Variants in MAP4K5 observed in about 807,000 individuals in gnomAD.
MAP4K5 encodes the protein MAPK/ERK kinase kinase kinase 5.
MAP4K5 carries 82 observed loss-of-function variants against 135.6 expected under a neutral mutation model. That is an observed-to-expected ratio of 0.60 (90% CI 0.51 to 0.73). The LOEUF is 0.73. Ranked by LOEUF, MAP4K5 falls within the 30% of genes least tolerant of loss-of-function variation. The pLI, the probability that MAP4K5 is intolerant of heterozygous loss-of-function variation, is 0.00. For missense variants in MAP4K5, 907 were observed against 1,010.9 expected, an observed-to-expected ratio of 0.90 and a Z score of 1.39; for synonymous variants, 347 against 335.0, an observed-to-expected ratio of 1.04 and a Z score of -0.39.
chr14:50,439,375 G>A (rs899535036), intron 23 of MAP4K5, among the ~76,000 whole-genome samples: 6 of 143,916 alleles, frequency 4.2e-5, no homozygotes, highest in African/African-American at 1.0e-4. Flanking sequence ...CTACCCACCC[G>A]TTCACCCCTA....
intron 11 of MAP4K5, among the ~76,000 whole-genome samples, chr14:50,464,879 C>T (rs1306992538): frequency 1.3e-5 from 2 of 152,158 alleles, no homozygotes; most frequent in African/African-American, 4.8e-5. Context: ...AGTATCGGGA[C>T]TGGCAAAGGT....
At chr14:50,456,830 A>G in intron 13 of MAP4K5, 2 of 402,366 alleles carry the variant, frequency 5.0e-6, no homozygotes, top group Non-Finnish European at 8.8e-6. Flanking sequence ...GTCCTCAAAG[A>G]GCTTACAGTC....
At chr14:50,480,231 G>T (rs931803675) in intron 6 of MAP4K5, among the ~76,000 whole-genome samples, 9 of 151,858 alleles carry the variant, frequency 5.9e-5, no homozygotes, top group Non-Finnish European at 1.0e-4. Context: ...GGTACAGGCG[G>T]CAATGTGAAA....
intron 2 of MAP4K5, among the ~76,000 whole-genome samples, chr14:50,542,164 C>A (rs1052258135): frequency 6.7e-6 from 1 of 150,318 alleles, no homozygotes; most frequent in Non-Finnish European, 1.5e-5. Context: ...AACTATGTGA[C>A]ATTAACTGCT....
At chr14:50,449,560 G>A (rs956678100) in intron 14 of MAP4K5, 14 of 151,942 alleles carry the variant, frequency 9.2e-5, no homozygotes, top group African/African-American at 1.7e-4. Context: ...TTTAAAAAGC[G>A]CTTTCAAATA....
intron 2 of MAP4K5, among the ~76,000 whole-genome samples, chr14:50,505,700 T>C (rs1464072577): frequency 6.6e-6 from 1 of 152,182 alleles, no homozygotes; most frequent in Non-Finnish European, 1.5e-5. Context: ...TCTAAAACAC[T>C]GTGCGAATTT....
intron 3 of MAP4K5, among the ~76,000 whole-genome samples, 161 bp downstream of exon 3, chr14:50,504,639 T>C (rs1272161658): frequency 6.6e-6 from 1 of 152,130 alleles, no homozygotes; most frequent in Non-Finnish European, 1.5e-5. Context: ...AACAAAACTG[T>C]CACATCAAAC....
intron 21 of MAP4K5, among the ~76,000 whole-genome samples, chr14:50,442,263 T>A (rs1450503172): frequency 6.6e-6 from 1 of 152,098 alleles, no homozygotes; most frequent in Non-Finnish European, 1.5e-5. Flanking sequence ...TTCTGCTTGA[T>A]CCTTCTCTCT....
At chr14:50,496,873 TA>T (rs1233600918) in intron 3 of MAP4K5, among the ~76,000 whole-genome samples, 2 of 152,004 alleles carry the variant, frequency 1.3e-5, no homozygotes, top group Non-Finnish European at 2.9e-5. Flanking sequence ...GTATTTAAAA[TA>T]AATATGCAGT....
Position 50,470,120 on chromosome 14 carries a change from CA to C in MAP4K5, c.543-1339del, listed in dbSNP as rs1428486954. Among the ~76,000 whole-genome samples the C allele has an allele frequency of 2.0e-5, 3 of 152,156 alleles. No homozygotes were observed. In the East Asian group the frequency reaches 5.8e-4, roughly 29 times the overall value. ...AGGCTGAGGTGGAGCCCAGAGAAAGCAAACAGGATTCATCTCCTCTACCCAC... is the reference window on the plus strand; with the variant it reads ...AGGCTGAGGTGGAGCCCAGAGAAAGCAACAGGATTCATCTCCTCTACCCAC... On this transcript the variant is annotated intron_variant, in intron 9 of 32. Transcript: ENST00000682126.
intron 23 of MAP4K5, 167 bp downstream of exon 23, chr14:50,439,846 C>A (rs906386594): frequency 2.9e-6 from 1 of 343,188 alleles, no homozygotes; most frequent in African/African-American, 2.2e-5. Context: ...AGGATCCCTT[C>A]CCAAAGTTTC....
intron 1 of MAP4K5, among the ~76,000 whole-genome samples, chr14:50,555,262 TTTTTGTTTTG>T (rs141877825): frequency 0.65 from 98,115 of 151,340 alleles, 32,060 homozygotes; most frequent in East Asian, 0.75. Context: ...AGTTCCTTCA[TTTTTGTTTTG>T]TTTTGTTTTG....
At chr14:50,560,444 T>C (rs2038823720) in intron 1 of MAP4K5, 3 of 1,133,196 alleles carry the variant, frequency 2.6e-6, no homozygotes, top group Non-Finnish European at 3.9e-6. Flanking sequence ...CCGCTCCCTG[T>C]TTGGGCGGAG....
chr14:50,459,842 C>T lies in MAP4K5; in HGVS notation c.936+2823G>A, dbSNP rs372851005. On this transcript the variant is annotated intron_variant, in intron 13 of 32. Coordinates refer to ENST00000682126, the MANE Select transcript of MAP4K5 (RefSeq NM_006575.6). ...CCTCCTGAGTAGCTGGGACTACAGG[C>T]GTGTGCCACCATGCCCAGCTAATTT... is the stretch of plus-strand genomic sequence containing the variant. Among the ~76,000 whole-genome samples, 107 of 152,074 alleles carry T rather than the reference C, an allele frequency of 7.0e-4. 1 individual carries two copies. Among genetic ancestry groups the T allele is most frequent in the African/African-American group, 2.4e-3 (98 of 41,502 alleles).
chr14:50,506,933 C>T (rs2037822521), intron 2 of MAP4K5, among the ~76,000 whole-genome samples: 1 of 152,136 alleles, frequency 6.6e-6, no homozygotes, highest in Admixed American at 6.5e-5. Flanking sequence ...TCTTCTAATT[C>T]CTAAAATTTC....
intron 9 of MAP4K5, among the ~76,000 whole-genome samples, chr14:50,473,731 T>G (rs2037026642): frequency 6.9e-6 from 1 of 144,330 alleles, no homozygotes; most frequent in Admixed American, 6.9e-5. Flanking sequence ...TTTTTTTTTT[T>G]TTTTTTTTTT....
At chr14:50,538,926 C>T (rs903085952) in intron 2 of MAP4K5, among the ~76,000 whole-genome samples, 2 of 152,194 alleles carry the variant, frequency 1.3e-5, no homozygotes, top group Non-Finnish European at 2.9e-5. Flanking sequence ...CTCAAGCAAT[C>T]GACCTACCTC....
At position 50,543,158 on chromosome 14, in the gene MAP4K5, G is replaced by A. The variant is rs558128002; in HGVS notation, c.-179-574C>T. ...TCTAGTGCTTGCTCAGTGTGCCTAC[G>A]TGACAATAGGAATGTAAGCTAACAT... is the stretch of plus-strand genomic sequence containing the variant. On this transcript the variant is annotated intron_variant, in intron 1 of 8. Transcript: ENST00000555216. Among the ~76,000 whole-genome samples, 52 of 152,338 alleles carry A rather than the reference G, an allele frequency of 3.4e-4. 1 individual carries two copies. Among genetic ancestry groups the A allele is most frequent in the African/African-American group, 1.2e-3 (51 of 41,572 alleles).
At chr14:50,462,062 T>C (rs1364829860) in intron 13 of MAP4K5, among the ~76,000 whole-genome samples, 1 of 152,198 alleles carries the variant, frequency 6.6e-6, no homozygotes, top group Admixed American at 6.5e-5. Flanking sequence ...CAACAGGAAC[T>C]TCAGCTTCAT....
Sources: allele counts gnomAD v4.1 joint callset (sites outside exome capture counted in the v4.1 genomes callset), GRCh38; gene constraint gnomAD v4.1.1; transcripts MANE v1.5; gene names NCBI Gene and HGNC (gene_info 2026-07-23, HGNC 2026-07-21).